The following MAN1A1 variants were observed in gnomAD, a reference collection of about 807,000 sequenced individuals.
The protein encoded by MAN1A1 is mannosidase alpha class 1A member 1, also known as mannosyl-oligosaccharide 1,2-alpha-mannosidase IA.
MAN1A1 carries 29 observed loss-of-function variants against 70.8 expected under a neutral mutation model. The observed-to-expected ratio is 0.41, with a 90% CI of 0.31 to 0.56. The LOEUF (loss-of-function observed/expected upper bound fraction) is 0.56, where lower values mean the gene tolerates loss of function less well. Among genes scored for constraint, MAN1A1 ranks in the 20% least tolerant of loss-of-function variants. MAN1A1 has a pLI of 0.29. For missense variants in MAN1A1, 747 were observed against 841.3 expected, an observed-to-expected ratio of 0.89 and a Z score of 1.39; for synonymous variants, 349 against 330.1, an observed-to-expected ratio of 1.06 and a Z score of -0.62.
intron 7 of MAN1A1, among the ~76,000 whole-genome samples, chr6:119,201,826 C>T (rs551822275): frequency 9.2e-5 from 14 of 152,208 alleles, no homozygotes; most frequent in Admixed American, 7.2e-4. Flanking sequence ...CAGAAAAATA[C>T]ACTATAAAAG....
chr6:119,180,344 C>T lies in MAN1A1; in HGVS notation c.1803G>A (p.Val601=), dbSNP rs2114921737. The T allele has an allele frequency of 6.2e-7, 1 of 1,613,712 alleles. No homozygotes were observed. The highest frequency in any genetic ancestry group is 1.1e-5 in the South Asian group (1 of 91,060). ...TCTCTGCCAGGAAGAAACTCTGCTGCACATCATCATAACTCTCATGAAGAA... is the reference window on the plus strand; with the variant it reads ...TCTCTGCCAGGAAGAAACTCTGCTGTACATCATCATAACTCTCATGAAGAA... ...VYLLHESYDD[V]QQSFFLAETL... is the part of the protein sequence containing the mutation. Residue 601 remains valine (V), a synonymous_variant, in exon 12 of 13, where the codon GTG becomes GTA. Coordinates refer to ENST00000368468, the MANE Select transcript of MAN1A1 (RefSeq NM_005907.4).
chr6:119,241,463 C>T (rs1775001421), intron 6 of MAN1A1, among the ~76,000 whole-genome samples: 3 of 152,126 alleles, frequency 2.0e-5, no homozygotes, highest in South Asian at 4.1e-4. Context: ...AGTAGCTTCC[C>T]CATCAGCTGG....
At chr6:119,237,527 T>C (rs74899924) in intron 6 of MAN1A1, among the ~76,000 whole-genome samples, 1 of 152,126 alleles carries the variant, frequency 6.6e-6, no homozygotes, top group Non-Finnish European at 1.5e-5. Context: ...TTTGGTTTTG[T>C]CTTGCGTTTC....
chr6:119,280,129 T>C (rs947994678), intron 5 of MAN1A1, among the ~76,000 whole-genome samples: 1 of 152,250 alleles, frequency 6.6e-6, no homozygotes, highest in Admixed American at 6.5e-5. Flanking sequence ...ATTTTCTCAG[T>C]GTATAATGCC....
At chr6:119,187,747 T>G (rs1405377127) in intron 11 of MAN1A1, among the ~76,000 whole-genome samples, 1 of 152,188 alleles carries the variant, frequency 6.6e-6, no homozygotes, top group African/African-American at 2.4e-5. Flanking sequence ...AGACAGACAT[T>G]GTTAGATGCA....
At chr6:119,349,382 C>G in intron 1 of MAN1A1, 95 bp from the exon 2 acceptor site, 1 of 981,358 alleles carries the variant, frequency 1.0e-6, no homozygotes, top group Non-Finnish European at 1.2e-6. Context: ...CCTCCAGGAC[C>G]GCTCCCCTTA....
intron 5 of MAN1A1, among the ~76,000 whole-genome samples, chr6:119,280,316 T>A (rs1776196809): frequency 6.6e-6 from 1 of 152,260 alleles, no homozygotes; most frequent in African/African-American, 2.4e-5. Context: ...ACTTTGCATG[T>A]CCTTGGGCAA....
intron 4 of MAN1A1, among the ~76,000 whole-genome samples, chr6:119,299,412 A>G (rs1234645486): frequency 6.6e-6 from 1 of 152,124 alleles, no homozygotes; most frequent in Non-Finnish European, 1.5e-5. Context: ...TAATAAAGAC[A>G]TTTGAGAAAT....
chr6:119,300,889 A>G (rs922667252), intron 4 of MAN1A1, among the ~76,000 whole-genome samples: 3 of 152,212 alleles, frequency 2.0e-5, no homozygotes, highest in Admixed American at 6.5e-5. Flanking sequence ...TAATTAGGGG[A>G]GTAGAAACAA....
At chr6:119,335,688 G>C (rs950058336) in intron 2 of MAN1A1, among the ~76,000 whole-genome samples, 1 of 152,226 alleles carries the variant, frequency 6.6e-6, no homozygotes, top group East Asian at 1.9e-4. Context: ...AAGGTTGAGA[G>C]TGTAGAGAGG....
intron 5 of MAN1A1, among the ~76,000 whole-genome samples, chr6:119,268,898 A>G (rs921081125): frequency 1.3e-5 from 2 of 151,998 alleles, no homozygotes; most frequent in Non-Finnish European, 2.9e-5. Flanking sequence ...TTCTAAAACA[A>G]CTCTCTCATG....
chr6:119,226,906 A>G (rs1393434783), intron 6 of MAN1A1, among the ~76,000 whole-genome samples: 2 of 152,168 alleles, frequency 1.3e-5, no homozygotes, highest in Non-Finnish European at 1.5e-5. Flanking sequence ...CCTGGCCTCA[A>G]GCAATCCTCC....
chr6:119,347,235 T>C (rs925292957), intron 2 of MAN1A1, among the ~76,000 whole-genome samples: 2 of 152,186 alleles, frequency 1.3e-5, no homozygotes, highest in Non-Finnish European at 1.5e-5. Context: ...ACAAATCCCA[T>C]GACAATCCTG....
chr6:119,285,774 T>C (rs1158111685), intron 5 of MAN1A1, among the ~76,000 whole-genome samples: 3 of 152,190 alleles, frequency 2.0e-5, no homozygotes, highest in Non-Finnish European at 2.9e-5. Context: ...GGGAGGGTGC[T>C]AATGTATTTC....
At chr6:119,227,284 T>C (rs1013730214) in intron 6 of MAN1A1, among the ~76,000 whole-genome samples, 6 of 152,198 alleles carry the variant, frequency 3.9e-5, no homozygotes, top group African/African-American at 1.4e-4. Flanking sequence ...AATGAATGGC[T>C]GCAAAGGGTC....
At position 119,348,604 on chromosome 6, in the gene MAN1A1, C is replaced by T. The variant is rs373209991; in HGVS notation, c.462G>A (p.Lys154=). 4 of 1,613,918 alleles carry T rather than the reference C, an allele frequency of 2.5e-6. No homozygotes were observed. Among genetic ancestry groups the T allele is most frequent in the African/African-American group, 2.7e-5 (2 of 74,942 alleles). ...GCAGCTGGTCCTGGGCCACCTTCTTCTTCTCCAGTAGGATGTCTCTTTGGA... is the reference window on the plus strand; with the variant it reads ...GCAGCTGGTCCTGGGCCACCTTCTTTTTCTCCAGTAGGATGTCTCTTTGGA... ...EEIQRDILLE[K]KKVAQDQLRD... The change falls in exon 2 of 13, where the codon AAG becomes AAA. Residue 154 remains lysine, a synonymous_variant. Coordinates refer to ENST00000368468, the MANE Select transcript of MAN1A1 (RefSeq NM_005907.4).
rs1159957598 is a variant in MAN1A1, at chr6:119,349,630, A to G, written c.-311T>C. The G allele has an allele frequency of 2.0e-6, 2 of 985,822 alleles. No homozygotes were observed. The highest frequency in any genetic ancestry group is 2.4e-6 in the Non-Finnish European group (2 of 829,990). The allele number at this position is 985,822 out of a possible 1,614,324, so 61.1% of individuals were successfully genotyped here. On this transcript the variant is annotated 5_prime_UTR_variant, in exon 1 of 13. Transcript: ENST00000368468. ...GCGCTGAGACTGCTGCCTCTTTCCT[A>G]GGCTGGGCTGAGCGCGCTGTCCCAC... is the stretch of plus-strand genomic sequence containing the variant.
At chr6:119,293,198 T>C (rs1772098744) in intron 4 of MAN1A1, among the ~76,000 whole-genome samples, 1 of 152,076 alleles carries the variant, frequency 6.6e-6, no homozygotes, top group East Asian at 1.9e-4. Context: ...CCGATAAAAA[T>C]TATTCCAAGG....
In MAN1A1 at chr6:119,177,600, C is replaced by T. The variant is rs1773040293; in HGVS notation, c.*2219G>A. 2 of 152,064 alleles carry T rather than the reference C, an allele frequency of 1.3e-5. No homozygotes were observed. Among genetic ancestry groups the T allele is most frequent in the South Asian group, 4.1e-4 (2 of 4,826 alleles). The allele number at this position is 152,064 out of a possible 1,614,324, so 9.4% of individuals were successfully genotyped here. On this transcript the variant is annotated 3_prime_UTR_variant, in exon 13 of 13. Coordinates refer to ENST00000368468, the MANE Select transcript of MAN1A1 (RefSeq NM_005907.4). ...ATAAGACTTCAGTTGTTAAAATTAA[C>T]CCAAAATATAACTTTAATTAAATTA...
Sources: gnomAD v4.1 joint callset for allele counts (sites outside exome capture counted in the v4.1 genomes callset) on GRCh38, gnomAD v4.1.1 for gene constraint, MANE v1.5 for transcripts, NCBI Gene and HGNC (gene_info 2026-07-23, HGNC 2026-07-21) for gene names.